PRDM15: variants seen among roughly 807,000 people sequenced by gnomAD.
The protein encoded by PRDM15 is PR domain zinc finger protein 15.
Under a neutral mutation model 128.6 loss-of-function variants are expected in PRDM15, and 64 were observed. That is an observed-to-expected ratio of 0.50 (90% CI 0.41 to 0.61). PRDM15 has a LOEUF of 0.61. Among genes scored for constraint, PRDM15 ranks in the 20% least tolerant of loss-of-function variants. PRDM15 has a pLI of 0.00. For synonymous variants in PRDM15, 615 were observed against 621.8 expected, an observed-to-expected ratio of 0.99 and a Z score of 0.16; for missense variants, 1,242 against 1,569.1, an observed-to-expected ratio of 0.79 and a Z score of 3.52.
rs1476376871 is a variant in PRDM15 at position 41,810,460 on chromosome 21, G to A, written c.2477-131C>T. On this transcript the variant is annotated intron_variant, in intron 20 of 23. Coordinates refer to ENST00000398548, the MANE Select transcript of PRDM15 (RefSeq NM_001040424.3). The surrounding 1 kb of genome is among the most constrained non-coding windows in gnomAD (Gnocchi z 6.4). ...CTGTCACGCCCCGCCCATCCTGAGAGGGCCGGTGCTGGTCCCCGAGCACAC... is the reference window on the plus strand; with the variant it reads ...CTGTCACGCCCCGCCCATCCTGAGAAGGCCGGTGCTGGTCCCCGAGCACAC... The A allele has an allele frequency of 1.9e-6, 2 of 1,058,250 alleles. No individual in the cohort carries two copies. The highest frequency in any genetic ancestry group is 2.7e-6 in the Non-Finnish European group (2 of 734,100). 65.6% of individuals were successfully genotyped at this position (1,058,250 alleles called of 1,614,324 possible).
In PRDM15 at chr21:41,801,321, C is replaced by A; in HGVS notation, c.3345G>T (p.Ser1115=). ...AVPQTDVLPP[S]QPQAPPQQAA... is the part of the protein sequence containing the mutation. ...CCTGCTGTGGGGGTGCCTGCGGCTG[C>A]GAGGGTGGCAAGACGTCAGTCTGGG... is the stretch of plus-strand genomic sequence containing the variant. Residue 1115 remains serine, a synonymous_variant, in exon 24 of 24, where the codon TCG becomes TCT. Transcript: ENST00000398548. 1 of 1,579,708 alleles carries A rather than the reference C, an allele frequency of 6.3e-7. No individual in the cohort carries two copies.
rs11909723 is a variant in PRDM15 at position 41,831,635 on chromosome 21, C to T, written c.1367-3302G>A. Among the ~76,000 whole-genome samples, 1,320 of 152,286 alleles carry T rather than the reference C, an allele frequency of 8.7e-3. 23 individuals carry two copies. Among genetic ancestry groups the T allele is most frequent in the African/African-American group, 0.03 (1,260 of 41,560 alleles). ...TCAACTCCTCCCAGCTGGGAATGGA[C>T]AAGGCATGGCCGACAGCGAAGACAG... On this transcript the variant is annotated intron_variant, in intron 11 of 23. Coordinates refer to ENST00000398548, the MANE Select transcript of PRDM15 (RefSeq NM_001040424.3).
intron 8 of PRDM15, chr21:41,836,879 A>G (rs896243638): frequency 1.6e-5 from 6 of 382,644 alleles, no homozygotes; most frequent in Non-Finnish European, 2.8e-5. Flanking sequence ...CACACACCTG[A>G]CTCTGTTCTA....
chr21:41,805,982 CCACTAT>C (rs2061555728), intron 21 of PRDM15, among the ~76,000 whole-genome samples: 2 of 93,774 alleles, frequency 2.1e-5, no homozygotes, highest in African/African-American at 7.2e-5. Flanking sequence ...ATTCCTATCA[CCACTAT>C]CACCACCACC....
rs1399361462 is a variant in PRDM15, at chr21:41,839,624, T to C, written c.870A>G (p.Thr290=). Residue 290 remains threonine (T), a splice_region_variant and synonymous_variant, in exon 7 of 24, where the codon ACA becomes ACG. Transcript: ENST00000398548. ...TCATCCCCGGGACCCGCTCATCACC[T>C]GTGGGTTCCTTGTCTTCCACGATGA... is the stretch of plus-strand genomic sequence containing the variant. ...PLVIVEDKEP[T]EQVAEIITEV... is the part of the protein sequence containing the mutation. 41 of 1,562,786 alleles carry C rather than the reference T, an allele frequency of 2.6e-5. No homozygotes were observed. The highest frequency in any genetic ancestry group is 3.6e-5 in the Non-Finnish European group (41 of 1,146,638).
intron 11 of PRDM15, among the ~76,000 whole-genome samples, chr21:41,831,993 G>A (rs529054296): frequency 2.0e-5 from 3 of 152,306 alleles, no homozygotes; most frequent in East Asian, 1.9e-4. Flanking sequence ...CCTCAGTTTC[G>A]TTTTGGCTTA....
At chr21:41,866,662 G>A (rs900978904) in intron 1 of PRDM15, among the ~76,000 whole-genome samples, 3 of 152,230 alleles carry the variant, frequency 2.0e-5, no homozygotes, top group Non-Finnish European at 4.4e-5. Context: ...CATCTTATCA[G>A]CTCAAACAAA....
Position 41,839,644 on chromosome 21 carries a change from C to G in PRDM15, c.850G>C (p.Val284Leu). Residue 284 changes from valine to leucine, a missense_variant, in exon 7 of 24, where the codon GTG becomes CTG. Transcript: ENST00000398548. ...TCACCTGTGGGTTCCTTGTCTTCCA[C>G]GATGACTAGAGGCTGCTCAGCTTTG... is the stretch of plus-strand genomic sequence containing the variant. ...VSKAEQPLVI[V>L]EDKEPTEQVA... 1 of 1,614,200 alleles carries G rather than the reference C, an allele frequency of 6.2e-7. No individual in the cohort carries two copies. Among genetic ancestry groups the G allele is most frequent in the Non-Finnish European group, 8.5e-7 (1 of 1,179,992 alleles).
intron 1 of PRDM15, chr21:41,877,276 G>C (rs933581438): frequency 2.0e-5 from 3 of 152,418 alleles, no homozygotes; most frequent in African/African-American, 7.3e-5. Context: ...TCTTACCTGA[G>C]AGTTTTATGA....
At chr21:41,855,983 CCTCCCTCCCTCCCCTCCCTTCCTTCCT>C in intron 4 of PRDM15, among the ~76,000 whole-genome samples, 1 of 4,712 alleles carries the variant, frequency 2.1e-4, no homozygotes, top group Non-Finnish European at 4.1e-4. Flanking sequence ...CCTTTCCTTC[CCTCCCTCCCTCCCCTCCCTTCCTTCCT>C]TTCCTTCCCT....
chr21:41,835,592 G>A (rs2062847427), intron 10 of PRDM15, 68 bp from the exon 11 acceptor site: 8 of 1,353,614 alleles, frequency 5.9e-6, no homozygotes, highest in East Asian at 4.7e-5. Context: ...AGCCCCCGAC[G>A]TGCTGCCCGG....
Position 41,801,849 on chromosome 21 carries a change from C to A in PRDM15, c.2944-127G>T. ...GACATTCTTTGGTGAAAGAGGAAACCGAGTTAATTTTGTTCTGGAAAAATT... is the reference window on the plus strand; with the variant it reads ...GACATTCTTTGGTGAAAGAGGAAACAGAGTTAATTTTGTTCTGGAAAAATT... On this transcript the variant is annotated intron_variant, in intron 23 of 23. Coordinates refer to ENST00000398548, the MANE Select transcript of PRDM15 (RefSeq NM_001040424.3). The A allele has an allele frequency of 5.5e-6, 6 of 1,092,948 alleles. No homozygotes were observed. In the South Asian group the frequency reaches 7.1e-5, roughly 13 times the overall value. 67.7% of individuals were successfully genotyped at this position (1,092,948 alleles called of 1,614,324 possible). A position where few individuals can be genotyped will look rare whatever the true frequency, so the allele number is the denominator to read the frequency against.
At position 41,823,495 on chromosome 21, in the gene PRDM15, C is replaced by T. The variant is rs750360988; in HGVS notation, c.1630-46G>A. On this transcript the variant is annotated intron_variant, in intron 13 of 23. Coordinates refer to ENST00000398548, the MANE Select transcript of PRDM15 (RefSeq NM_001040424.3). The stretch of plus-strand genomic sequence containing the variant: ...GGTGAGGGGCTGCGGCGTCTCGTGA[C>T]GGGAAGGAGCCTCTCCATCAGGCTC... 11 of 1,531,702 alleles carry T rather than the reference C, an allele frequency of 7.2e-6. No individual in the cohort carries two copies. The East Asian group carries it at 7.4e-5, about 10-fold the overall frequency. The allele number at this position is 1,531,702 out of a possible 1,614,324, so 94.9% of individuals were successfully genotyped here. A position where few individuals can be genotyped will look rare whatever the true frequency, so the allele number is the denominator to read the frequency against.
chr21:41,869,507 T>C lies in PRDM15; in HGVS notation c.-9-9135A>G, dbSNP rs960247709. ...TATTGCCCAGGCTGGGGTCCAATGG[T>C]GCGATCTCGGCTCACCACAACCTCC... is the stretch of plus-strand genomic sequence containing the variant. On this transcript the variant is annotated intron_variant, in intron 1 of 23. Transcript: ENST00000398548. 1.4e-4 allele frequency among the ~76,000 whole-genome samples: 21 copies of C among 149,450 alleles called. 2 individuals are homozygous for C. The highest frequency in any genetic ancestry group is 1.3e-3 in the Admixed American group (20 of 14,838).
intron 1 of PRDM15, among the ~76,000 whole-genome samples, chr21:41,869,112 T>A (rs1017206875): frequency 2.0e-5 from 3 of 152,192 alleles, no homozygotes; most frequent in Admixed American, 1.3e-4. Context: ...GTCTGGGGCT[T>A]GTCTTTCCAT....
At chr21:41,875,552 ATATC>A (rs754457909) in intron 1 of PRDM15, among the ~76,000 whole-genome samples, 4 of 152,266 alleles carry the variant, frequency 2.6e-5, no homozygotes, top group African/African-American at 4.8e-5. Context: ...TCTTGTAAAT[ATATC>A]TATTAGAATC....
At chr21:41,822,940 C>T (rs563554035) in intron 14 of PRDM15, among the ~76,000 whole-genome samples, 116 of 149,762 alleles carry the variant, frequency 7.7e-4, no homozygotes, top group Non-Finnish European at 9.5e-4. Context: ...GAGGCTGAGG[C>T]GGGAGAATCA....
chr21:41,828,432 G>A lies in PRDM15; in HGVS notation c.1367-99C>T, dbSNP rs1051850231. ...TGAACGTCAATAAAGCGCGGGTGAC[G>A]GGCATGAGAGTCACGGGGATGCGTG... On this transcript the variant is annotated intron_variant, in intron 11 of 23. Coordinates refer to ENST00000398548, the MANE Select transcript of PRDM15 (RefSeq NM_001040424.3). This position sits in a 1 kb window ranked among gnomAD's most constrained non-coding sequence, Gnocchi z 5.7. 6.0e-5 allele frequency: 74 copies of A among 1,227,552 alleles called. No individual in the cohort carries two copies. Among genetic ancestry groups the A allele is most frequent in the Middle Eastern group, 5.7e-4 (3 of 5,306 alleles). The allele number at this position is 1,227,552 out of a possible 1,614,324, so 76.0% of individuals were successfully genotyped here.
At chr21:41,861,763 G>A in intron 1 of PRDM15, 1 of 1,611,516 alleles carries the variant, frequency 6.2e-7, no homozygotes, top group Non-Finnish European at 8.5e-7. Context: ...TGAGAGCAGT[G>A]CCGGGTTGAA....
Sources: allele counts gnomAD v4.1 joint callset (sites outside exome capture counted in the v4.1 genomes callset), GRCh38; gene constraint gnomAD v4.1.1; non-coding constraint Gnocchi (gnomAD v3.1); transcripts MANE v1.5; gene names NCBI Gene and HGNC (gene_info 2026-07-23, HGNC 2026-07-21).